F5: variants seen among roughly 807,000 people sequenced by gnomAD.
The protein encoded by F5 is activated protein c cofactor.
In F5, 138 loss-of-function variants were observed where a neutral mutation model predicts 216.4. The ratio of observed to expected loss-of-function variants is 0.64; its 90% CI spans 0.56 to 0.73. F5 has a LOEUF of 0.73. Ranked by LOEUF, F5 falls within the 30% of genes least tolerant of loss-of-function variation. The probability of loss-of-function intolerance (pLI) is 0.00; values close to 1 mark genes in which losing one functional copy is unlikely to be tolerated. For synonymous variants in F5, 916 were observed against 930.7 expected (o/e 0.98, Z 0.29); for missense variants, 2,403 against 2,674.0 (o/e 0.90, Z 2.24).
rs1659494397 is a variant in F5, at chr1:169,527,791, T to C, written c.5599+124A>G. 5 of 1,270,776 alleles carry C rather than the reference T, an allele frequency of 3.9e-6. No individual in the cohort carries two copies. In the Admixed American group the frequency reaches 1.0e-4, roughly 25 times the overall value. The allele number at this position is 1,270,776 out of a possible 1,614,324, so 78.7% of individuals were successfully genotyped here. ...GGTCTATGGGTTTGCCTAGGCTCTA[T>C]GCCAGAACCCTGTGTTCTGACCCCT... On this transcript the variant is annotated intron_variant, in intron 17 of 24. Transcript: ENST00000367797.
intron 14 of F5, among the ~76,000 whole-genome samples, chr1:169,535,985 T>C (rs1659695768): frequency 6.6e-6 from 1 of 152,206 alleles, no homozygotes; most frequent in Admixed American, 6.5e-5. Context: ...ATCGTGGGTC[T>C]GGACACAAGA....
chr1:169,531,776 A>G (rs1659600440), intron 14 of F5, among the ~76,000 whole-genome samples: 1 of 152,112 alleles, frequency 6.6e-6, no homozygotes, highest in African/African-American at 2.4e-5. Flanking sequence ...CAGACCCATG[A>G]AGCTCCTCCC....
chr1:169,532,126 A>G (rs184499262), intron 14 of F5, among the ~76,000 whole-genome samples: 1 of 152,344 alleles, frequency 6.6e-6, no homozygotes, highest in African/African-American at 2.4e-5. Context: ...ATGTGGAAAA[A>G]GCTTTTGATA....
In F5 at chr1:169,523,324, G is replaced by A; in HGVS notation, c.5921C>T (p.Thr1974Ile). ...TTTGGCACCTTGGGTCTGGATCCCT[G>A]TGATTATGACTTCCTTTTGCATGTC... is the stretch of plus-strand genomic sequence containing the variant. ...QVDMQKEVIITGIQTQGAKHY... is the reference protein window; with the variant it reads ...QVDMQKEVIIIGIQTQGAKHY... The change falls in exon 21 of 25, where the codon ACA (threonine) becomes ATA (isoleucine). Residue 1974 changes from threonine to isoleucine, a missense_variant. This residue lies in a region of F5 where 659 missense variants were observed against 787.9 expected (regional missense o/e 0.84). Coordinates refer to ENST00000367797, the MANE Select transcript of F5 (RefSeq NM_000130.5). 1.2e-6 allele frequency: 2 copies of A among 1,614,050 alleles called. No homozygotes were observed. Among genetic ancestry groups the A allele is most frequent in the Non-Finnish European group, 1.7e-6 (2 of 1,179,956 alleles).
intron 2 of F5, among the ~76,000 whole-genome samples, chr1:169,573,553 A>G (rs570538686): frequency 6.6e-6 from 1 of 152,326 alleles, no homozygotes; most frequent in South Asian, 2.1e-4. Context: ...GACAGAAGTC[A>G]AGGATGACCT....
chr1:169,518,454 G>A lies in F5; in HGVS notation c.6303C>T (p.Ala2101=). ...TCACACGTCCCTGGGCATTCAGACG[G>A]GCACGGAAGGGTTCCCAGTAATCTC... The part of the protein sequence containing the change: ...WWGDYWEPFR[A]RLNAQGRVNA... The change falls in exon 23 of 25, where the codon GCC becomes GCT. Residue 2101 remains alanine (A), a synonymous_variant. Transcript: ENST00000367797. 1 of 1,613,756 alleles carries A rather than the reference G, an allele frequency of 6.2e-7. No individual in the cohort carries two copies. The highest frequency in any genetic ancestry group is 8.5e-7 in the Non-Finnish European group (1 of 1,179,798).
rs74397050 is a variant in F5, at chr1:169,548,537, A to C, written c.1611+1264T>G. On this transcript the variant is annotated intron_variant, in intron 10 of 24. Coordinates refer to ENST00000367797, the MANE Select transcript of F5 (RefSeq NM_000130.5). ...TGTTAGAGCTAAAGGTAATATGCAA[A>C]AGCAAACAGAACAGATAAGAAAATT... Among the ~76,000 whole-genome samples, 1,011 of 152,250 alleles carry C rather than the reference A, an allele frequency of 6.6e-3. 7 individuals carry two copies. The highest frequency in any genetic ancestry group is 0.011 in the Non-Finnish European group (750 of 68,010).
chr1:169,579,048 C>G (rs935504236), intron 2 of F5, among the ~76,000 whole-genome samples: 9 of 151,822 alleles, frequency 5.9e-5, no homozygotes, highest in South Asian at 2.1e-4. Context: ...TACCCACCCC[C>G]ACCCCCGAAA....
chr1:169,531,592 A>G (rs991263426), intron 14 of F5, among the ~76,000 whole-genome samples: 1 of 152,092 alleles, frequency 6.6e-6, no homozygotes, highest in East Asian at 1.9e-4. Flanking sequence ...GATGCCTGTG[A>G]GCAGGGGAGT....
chr1:169,536,826 G>T (rs1362865847), intron 13 of F5, 146 bp from the exon 14 acceptor site: 2 of 632,384 alleles, frequency 3.2e-6, no homozygotes, highest in Admixed American at 2.9e-5. Context: ...TATATAAGTG[G>T]ATAAAAACAA....
chr1:169,571,722 G>A (rs989632788), intron 3 of F5, among the ~76,000 whole-genome samples: 2 of 152,064 alleles, frequency 1.3e-5, no homozygotes, highest in East Asian at 3.9e-4. Context: ...TATGACTTGA[G>A]GGAAAGAATA....
intron 3 of F5, among the ~76,000 whole-genome samples, chr1:169,571,627 A>G (rs1387662988): frequency 6.6e-6 from 1 of 152,134 alleles, no homozygotes; most frequent in African/African-American, 2.4e-5. Flanking sequence ...CTATGTCACT[A>G]TGTCAGTGGC....
At chr1:169,570,774 G>A (rs942235207) in intron 3 of F5, among the ~76,000 whole-genome samples, 3 of 152,028 alleles carry the variant, frequency 2.0e-5, no homozygotes, top group African/African-American at 7.2e-5. Context: ...TTTAATTGAA[G>A]AATTATCTTT....
Position 169,579,841 on chromosome 1 carries a change from C to A in F5, c.250+2590G>T, listed in dbSNP as rs186422488. On this transcript the variant is annotated intron_variant, in intron 2 of 24. Coordinates refer to ENST00000367797, the MANE Select transcript of F5 (RefSeq NM_000130.5). ...GACTGGTCTTTCTCCAATCTATTCT[C>A]TATAATTGGACAACATAATCTTTCT... Among the ~76,000 whole-genome samples, 5 of 152,302 alleles carry A rather than the reference C, an allele frequency of 3.3e-5. No homozygotes were observed. In the East Asian group the frequency reaches 9.6e-4, roughly 29 times the overall value.
At chr1:169,562,428 A>C (rs1372999149) in intron 3 of F5, among the ~76,000 whole-genome samples, 1 of 151,882 alleles carries the variant, frequency 6.6e-6, no homozygotes, top group East Asian at 1.9e-4. Flanking sequence ...ATTCAATCTT[A>C]TTTGTTTCTT....
intron 2 of F5, among the ~76,000 whole-genome samples, chr1:169,579,023 C>T (rs1159866333): frequency 6.6e-6 from 1 of 152,054 alleles, no homozygotes; most frequent in Non-Finnish European, 1.5e-5. Context: ...TCTCAAATGT[C>T]CTTAAGCTCC....
At chr1:169,532,689 TAAG>T (rs951783055) in intron 14 of F5, among the ~76,000 whole-genome samples, 4 of 152,020 alleles carry the variant, frequency 2.6e-5, no homozygotes, top group Admixed American at 2.6e-4. Flanking sequence ...AAGATCTCTA[TAAG>T]AAGAATTACA....
chr1:169,536,827 A>AT (rs1659716071), intron 13 of F5, 147 bp from the exon 14 acceptor site: 8 of 634,648 alleles, frequency 1.3e-5, no homozygotes, highest in Non-Finnish European at 2.2e-5. Flanking sequence ...ATATAAGTGG[A>AT]TAAAAACAAA....
At chr1:169,524,937 T>G in intron 18 of F5, 29 bp from the exon 19 acceptor site, 1 of 1,568,674 alleles carries the variant, frequency 6.4e-7, no homozygotes, top group Non-Finnish European at 8.8e-7. Flanking sequence ...AAATGAATAA[T>G]TTTTGCTTAG....
Sources: gnomAD v4.1 joint callset for allele counts (sites outside exome capture counted in the v4.1 genomes callset) on GRCh38, gnomAD v4.1.1 for gene constraint, gnomAD v4.1.1 regional missense constraint, MANE v1.5 for transcripts, NCBI Gene and HGNC (gene_info 2026-07-23, HGNC 2026-07-21) for gene names.